MYO3B: variants seen among roughly 807,000 people sequenced by gnomAD.
MYO3B encodes myosin-IIIb.
MYO3B carries 156 observed loss-of-function variants against 174.6 expected under a neutral mutation model. The observed-to-expected ratio is 0.89, with a 90% CI of 0.78 to 1.02. The LOEUF (loss-of-function observed/expected upper bound fraction) is 1.02. Ranked by LOEUF, MYO3B falls within the 50% of genes least tolerant of loss-of-function variation. The pLI is 0.00. For synonymous variants in MYO3B, 563 were observed against 569.1 expected (o/e 0.99, Z 0.15); for missense variants, 1,632 against 1,639.4 (o/e 1.00, Z 0.08).
At chr2:170,273,293 C>T (rs1477911898) in intron 7 of MYO3B, among the ~76,000 whole-genome samples, 2 of 152,184 alleles carry the variant, frequency 1.3e-5, no homozygotes, top group East Asian at 3.9e-4. Flanking sequence ...GCATTTCTGT[C>T]TTGGGAACTG....
chr2:170,641,327 T>G (rs1697931379), intron 32 of MYO3B: 1 of 152,216 alleles, frequency 6.6e-6, no homozygotes, highest in Non-Finnish European at 1.5e-5. Context: ...GAGGACCTGC[T>G]TAAATGGGTA....
intron 7 of MYO3B, among the ~76,000 whole-genome samples, chr2:170,317,838 C>T (rs2093786657): frequency 6.6e-6 from 1 of 152,188 alleles, no homozygotes; most frequent in African/African-American, 2.4e-5. Context: ...AGATGCTTTA[C>T]TGCAGGATTT....
chr2:170,610,844 G>C (rs1695087990), intron 32 of MYO3B, among the ~76,000 whole-genome samples: 1 of 152,176 alleles, frequency 6.6e-6, no homozygotes, highest in Non-Finnish European at 1.5e-5. Context: ...GATGTGAGAT[G>C]CTTGTTCTAA....
Position 170,237,940 on chromosome 2 carries a change from A to G in MYO3B, c.749+1804A>G, listed in dbSNP as rs117735549. Reference sequence around the variant, plus strand: ...GATTATGTGTGCTCATGTGTGTTCAACACTTGCCATTGTCACAACCTTAAT... The same window carrying G: ...GATTATGTGTGCTCATGTGTGTTCAGCACTTGCCATTGTCACAACCTTAAT... On this transcript the variant is annotated intron_variant, in intron 7 of 34. Transcript: ENST00000408978. Among the ~76,000 whole-genome samples the G allele has an allele frequency of 1.8e-3, 281 of 152,302 alleles. 5 individuals are homozygous for G. The East Asian group carries it at 0.051, about 28-fold the overall frequency.
chr2:170,264,452 A>G (rs2093368030), intron 7 of MYO3B, among the ~76,000 whole-genome samples: 1 of 152,194 alleles, frequency 6.6e-6, no homozygotes, highest in African/African-American at 2.4e-5. Flanking sequence ...GCCACATTCT[A>G]CTGGTCAGGA....
intron 26 of MYO3B, 114 bp downstream of exon 26, chr2:170,498,817 A>T (rs1339478837): frequency 5.8e-6 from 4 of 692,362 alleles, no homozygotes; most frequent in Non-Finnish European, 1.0e-5. Flanking sequence ...CAAGACTCCA[A>T]CGTAACAATG....
At chr2:170,385,047 C>T (rs1296698276) in intron 12 of MYO3B, among the ~76,000 whole-genome samples, 2 of 152,064 alleles carry the variant, frequency 1.3e-5, no homozygotes, top group African/African-American at 4.8e-5. Context: ...CTTACATTTA[C>T]CAGTTTATTA....
intron 28 of MYO3B, among the ~76,000 whole-genome samples, chr2:170,510,102 C>T (rs1213112637): frequency 1.3e-5 from 2 of 152,170 alleles, no homozygotes; most frequent in Non-Finnish European, 2.9e-5. Context: ...TAACTAGAGC[C>T]TGCTAATTTC....
intron 21 of MYO3B, among the ~76,000 whole-genome samples, chr2:170,407,384 C>T (rs1283866200): frequency 6.6e-6 from 1 of 152,078 alleles, no homozygotes; most frequent in Non-Finnish European, 1.5e-5. Context: ...TCACTTGAAC[C>T]CGGGAGGCGG....
intron 7 of MYO3B, among the ~76,000 whole-genome samples, chr2:170,297,493 C>G (rs571787090): frequency 6.6e-6 from 1 of 152,112 alleles, no homozygotes; most frequent in East Asian, 1.9e-4. Flanking sequence ...TGAAAAAAGG[C>G]ACATTTTATA....
intron 28 of MYO3B, among the ~76,000 whole-genome samples, chr2:170,505,191 A>C (rs1013890167): frequency 5.9e-5 from 9 of 151,766 alleles, no homozygotes; most frequent in African/African-American, 2.2e-4. Flanking sequence ...TAGGGGGGAG[A>C]GGGGAGAGGG....
At chr2:170,277,478 G>T (rs544931929) in intron 7 of MYO3B, among the ~76,000 whole-genome samples, 5 of 152,122 alleles carry the variant, frequency 3.3e-5, no homozygotes, top group Admixed American at 6.6e-5. Flanking sequence ...TTACATAAGG[G>T]TAACTGTATT....
At chr2:170,196,459 G>T (rs1364528) in intron 1 of MYO3B, among the ~76,000 whole-genome samples, 59,723 of 152,054 alleles carry the variant, frequency 0.39, 11,968 homozygotes, top group African/African-American at 0.48. Flanking sequence ...GAGGCTACAG[G>T]GGGTGGTGAT....
intron 32 of MYO3B, among the ~76,000 whole-genome samples, chr2:170,581,868 T>C (rs1693172243): frequency 6.6e-6 from 1 of 152,182 alleles, no homozygotes; most frequent in Admixed American, 6.5e-5. Context: ...TCAGGCAAGA[T>C]TTTTTCATGG....
chr2:170,577,049 G>C (rs1692829375), intron 32 of MYO3B, among the ~76,000 whole-genome samples: 3 of 152,132 alleles, frequency 2.0e-5, no homozygotes, highest in Admixed American at 2.0e-4. Flanking sequence ...TATTGGTTCA[G>C]TTGCATAAGG....
At chr2:170,476,810 G>T (rs1048373861) in intron 25 of MYO3B, among the ~76,000 whole-genome samples, 1 of 151,844 alleles carries the variant, frequency 6.6e-6, no homozygotes, top group African/African-American at 2.4e-5. Flanking sequence ...CCATTGCCGG[G>T]GAACCATCCT....
At chr2:170,595,071 C>T (rs1213242188) in intron 32 of MYO3B, among the ~76,000 whole-genome samples, 1 of 152,086 alleles carries the variant, frequency 6.6e-6, no homozygotes, top group Non-Finnish European at 1.5e-5. Context: ...TCACATCTGG[C>T]TCTGACATCG....
At chr2:170,505,448 C>T (rs1385472759) in intron 28 of MYO3B, among the ~76,000 whole-genome samples, 1 of 152,086 alleles carries the variant, frequency 6.6e-6, no homozygotes, top group Non-Finnish European at 1.5e-5. Context: ...TATTAGTGTT[C>T]AAATAGATGG....
intron 7 of MYO3B, among the ~76,000 whole-genome samples, chr2:170,302,704 TTTC>T (rs2093673748): frequency 6.6e-6 from 1 of 152,244 alleles, no homozygotes; most frequent in African/African-American, 2.4e-5. Flanking sequence ...GTTTAAAATA[TTTC>T]TTCTTCTTGC....
Sources: allele counts gnomAD v4.1 joint callset (sites outside exome capture counted in the v4.1 genomes callset), GRCh38; gene constraint gnomAD v4.1.1; transcripts MANE v1.5; gene names NCBI Gene and HGNC (gene_info 2026-07-23, HGNC 2026-07-21).